The following THADA variants were observed in gnomAD, a reference collection of about 807,000 sequenced individuals.
The protein encoded by THADA is THADA armadillo repeat containing.
THADA carries 213 observed loss-of-function variants against 219.8 expected under a neutral mutation model. The observed-to-expected ratio is 0.97, with a 90% confidence interval of 0.87 to 1.09. The LOEUF is 1.09. Among genes scored for constraint, THADA ranks in the 50% least tolerant of loss-of-function variants. The pLI is 0.00. For synonymous variants in THADA, 1,018 were observed against 828.9 expected, an observed-to-expected ratio of 1.23 and a Z score of -3.92; for missense variants, 2,956 against 2,311.3, an observed-to-expected ratio of 1.28 and a Z score of -5.72.
At chr2:43,451,406 C>T (rs1022760634) in intron 26 of THADA, among the ~76,000 whole-genome samples, 1 of 152,200 alleles carries the variant, frequency 6.6e-6, no homozygotes, top group Non-Finnish European at 1.5e-5. Context: ...GTCCATTATT[C>T]CCTACAATAC....
chr2:43,551,814 G>A lies in THADA; in HGVS notation c.2922C>T (p.Gly974=), dbSNP rs1178741137. The A allele has an allele frequency of 1.2e-6, 2 of 1,613,558 alleles. No individual in the cohort carries two copies. The highest frequency in any genetic ancestry group is 2.7e-5 in the African/African-American group (2 of 74,878). Residue 974 remains glycine, a synonymous_variant, in exon 19 of 38, where the codon GGC becomes GGT. Transcript: ENST00000405975. ...SPVIQSSSPE[G]LIPMDTDSES... ...CTGAATCAGTGTCCATTGGGATGAG[G>A]CCTTCAGGGGATGAGCTCTGAATGA... is the stretch of plus-strand genomic sequence containing the variant.
intron 17 of THADA, among the ~76,000 whole-genome samples, chr2:43,555,886 T>G (rs1274548538): frequency 1.3e-5 from 2 of 152,136 alleles, no homozygotes; most frequent in African/African-American, 2.4e-5. Context: ...TTGTTGAAAA[T>G]CACTAGATCT....
At chr2:43,333,196 T>C (rs1318540406) in intron 30 of THADA, 2 of 152,256 alleles carry the variant, frequency 1.3e-5, no homozygotes, top group Non-Finnish European at 2.9e-5. Flanking sequence ...AATGTTTCCT[T>C]TTGTATTTAA....
chr2:43,543,854 G>A (rs1695652669), intron 20 of THADA, among the ~76,000 whole-genome samples: 1 of 151,524 alleles, frequency 6.6e-6, no homozygotes, highest in Non-Finnish European at 1.5e-5. Context: ...TTCTTTTGCT[G>A]TGCAGAAGCT....
chr2:43,541,339 G>T lies in THADA; in HGVS notation c.3107-23C>A, dbSNP rs112894148. ...TACCTTAAACAAAAAAAAACACAAC[G>T]ATTGCAACCTTGATTACTCATATCC... On this transcript the variant is annotated intron_variant, in intron 20 of 37. Transcript: ENST00000405975. The T allele has an allele frequency of 2.9e-4, 461 of 1,609,702 alleles. 6 individuals are homozygous for T. The African/African-American group carries it at 4.4e-3, about 16-fold the overall frequency.
intron 28 of THADA, among the ~76,000 whole-genome samples, chr2:43,402,449 G>T (rs1674972577): frequency 6.6e-6 from 1 of 152,174 alleles, no homozygotes; most frequent in Non-Finnish European, 1.5e-5. Context: ...AGCAAAAAAA[G>T]GACCATTCTG....
At chr2:43,535,168 CTTT>C (rs549879408) in intron 21 of THADA, among the ~76,000 whole-genome samples, 4,241 of 51,804 alleles carry the variant, frequency 0.082, 27 homozygotes, top group African/African-American at 0.12. Flanking sequence ...ATCATTTGTC[CTTT>C]TTTTTTTTTT....
chr2:43,591,237 T>C (rs1012590404), intron 3 of THADA, among the ~76,000 whole-genome samples: 3 of 152,018 alleles, frequency 2.0e-5, no homozygotes, highest in South Asian at 2.1e-4. Flanking sequence ...GGCAGGAGGA[T>C]TGCTTGAGCC....
chr2:43,499,729 AT>A (rs531441594), intron 24 of THADA, among the ~76,000 whole-genome samples: 2,073 of 149,162 alleles, frequency 0.014, 41 homozygotes, highest in South Asian at 0.11. Flanking sequence ...CACTGGTCAA[AT>A]TTTTTTTTTT....
chr2:43,584,142 A>G (rs900209691), intron 7 of THADA, among the ~76,000 whole-genome samples: 1 of 152,142 alleles, frequency 6.6e-6, no homozygotes. Context: ...GCAAATTCAA[A>G]AAGACAGGAA....
intron 29 of THADA, among the ~76,000 whole-genome samples, chr2:43,390,284 T>C (rs766045509): frequency 1.3e-5 from 2 of 152,200 alleles, no homozygotes; most frequent in Admixed American, 6.5e-5. Flanking sequence ...CTCTTAAGTT[T>C]CTAAAGTAAT....
intron 22 of THADA, among the ~76,000 whole-genome samples, chr2:43,514,357 G>A (rs914131873): frequency 2.0e-5 from 3 of 149,794 alleles, no homozygotes; most frequent in South Asian, 2.1e-4. Context: ...AGGCTGAGGT[G>A]GGAGGATCGC....
intron 18 of THADA, 115 bp from the exon 19 acceptor site, chr2:43,552,040 G>A: frequency 1.3e-6 from 2 of 1,542,868 alleles, no homozygotes; most frequent in South Asian, 1.3e-5. Context: ...CATAAAACAT[G>A]TGAGACATAA....
intron 36 of THADA, among the ~76,000 whole-genome samples, chr2:43,241,891 A>G (rs1467428470): frequency 1.3e-5 from 2 of 152,062 alleles, no homozygotes; most frequent in Non-Finnish European, 2.9e-5. Flanking sequence ...CCTTACTTTT[A>G]CAGGAGAGAA....
In THADA at chr2:43,291,977, A is replaced by G. The variant is rs1241247871; in HGVS notation, c.4937+127T>C. 3 of 772,186 alleles carry G rather than the reference A, an allele frequency of 3.9e-6. No homozygotes were observed. In the East Asian group the frequency reaches 8.3e-5, roughly 21 times the overall value. The allele number at this position is 772,186 out of a possible 1,614,324, so 47.8% of individuals were successfully genotyped here. A position where few individuals can be genotyped will look rare whatever the true frequency, so the allele number is the denominator to read the frequency against. On this transcript the variant is annotated intron_variant, in intron 33 of 37. Transcript: ENST00000405975. Reference sequence around the variant, plus strand: ...TCTATTGCTTGAGTTTAGAACTCTTAGGCTGAGGTTTAGAATGAAATACAG... The same window carrying G: ...TCTATTGCTTGAGTTTAGAACTCTTGGGCTGAGGTTTAGAATGAAATACAG...
intron 24 of THADA, among the ~76,000 whole-genome samples, chr2:43,504,737 T>G (rs1350391952): frequency 6.6e-6 from 1 of 152,160 alleles, no homozygotes. Context: ...TCAGCTGATT[T>G]GCCAGGCATG....
chr2:43,262,886 T>C (rs960596578), intron 36 of THADA, among the ~76,000 whole-genome samples: 2 of 152,194 alleles, frequency 1.3e-5, no homozygotes, highest in Non-Finnish European at 2.9e-5. Flanking sequence ...AGGTGATCTG[T>C]GTACATATTG....
chr2:43,340,951 T>C (rs559929949), intron 30 of THADA, among the ~76,000 whole-genome samples: 1 of 152,296 alleles, frequency 6.6e-6, no homozygotes, highest in Non-Finnish European at 1.5e-5. Context: ...CACCGAGGCT[T>C]CATCACTTAT....
chr2:43,389,851 C>T (rs1051913882), intron 29 of THADA, among the ~76,000 whole-genome samples: 7 of 151,800 alleles, frequency 4.6e-5, no homozygotes, highest in South Asian at 2.1e-4. Flanking sequence ...TGTGTGATCT[C>T]GGCCACATGC....
Sources: allele counts gnomAD v4.1 joint callset (sites outside exome capture counted in the v4.1 genomes callset), GRCh38; gene constraint gnomAD v4.1.1; transcripts MANE v1.5; gene names NCBI Gene and HGNC (gene_info 2026-07-23, HGNC 2026-07-21).